The following PPEF2 variants were observed in gnomAD, a reference collection of about 807,000 sequenced individuals.
PPEF2 encodes serine/threonine-protein phosphatase with EF-hands 2.
PPEF2 carries 84 observed loss-of-function variants against 84.7 expected under a neutral mutation model. The ratio of observed to expected loss-of-function variants is 0.99; its 90% CI spans 0.83 to 1.19. PPEF2 has a LOEUF of 1.19. PPEF2 is among the 50% of genes most tolerant of loss of function. PPEF2 has a pLI of 0.00. For synonymous variants in PPEF2, 346 were observed against 345.2 expected (o/e 1.00, Z -0.03); for missense variants, 924 against 937.5 (o/e 0.99, Z 0.19).
intron 8 of PPEF2, among the ~76,000 whole-genome samples, chr4:75,884,352 C>T (rs1298325922): frequency 2.0e-5 from 3 of 150,790 alleles, no homozygotes; most frequent in Non-Finnish European, 4.4e-5. Context: ...CACTTAAACC[C>T]AGGAAGCAGA....
intron 2 of PPEF2, among the ~76,000 whole-genome samples, chr4:75,893,578 G>C (rs762976058): frequency 5.3e-5 from 8 of 152,100 alleles, no homozygotes; most frequent in Non-Finnish European, 1.2e-4. Flanking sequence ...GAGATTCCTG[G>C]TAAACATGCA....
At chr4:75,861,434 A>G (rs1037332745) in intron 16 of PPEF2, among the ~76,000 whole-genome samples, 10 of 114,596 alleles carry the variant, frequency 8.7e-5, no homozygotes, top group African/African-American at 2.6e-5. Flanking sequence ...GTTTTTTTCA[A>G]CAATGATGGG....
intron 16 of PPEF2, 123 bp downstream of exon 16, chr4:75,864,317 T>G: frequency 1.4e-6 from 1 of 736,690 alleles, no homozygotes; most frequent in Non-Finnish European, 2.3e-6. Flanking sequence ...AGCACTAATC[T>G]TCTTACCTTG....
intron 10 of PPEF2, among the ~76,000 whole-genome samples, chr4:75,879,898 C>T (rs1196105729): frequency 2.6e-5 from 4 of 151,452 alleles, no homozygotes; most frequent in African/African-American, 4.9e-5. Context: ...GGTGCGATCT[C>T]GGCTTGCTCA....
At position 75,883,146 on chromosome 4, in the gene PPEF2, T is replaced by C. The variant is rs1724622026; in HGVS notation, c.783+20A>G. On this transcript the variant is annotated intron_variant, in intron 9 of 16. Transcript: ENST00000286719. ...ACTTATCTGAACTGAGAGAAACTTT[T>C]GTCTTTAAAGGCAGCGCACCTTGTA... The C allele has an allele frequency of 6.2e-7, 1 of 1,613,892 alleles. No individual in the cohort carries two copies. Among genetic ancestry groups the C allele is most frequent in the South Asian group, 1.1e-5 (1 of 91,080 alleles).
intron 5 of PPEF2, among the ~76,000 whole-genome samples, chr4:75,888,657 G>A (rs1167369157): frequency 1.3e-5 from 2 of 152,180 alleles, no homozygotes; most frequent in Non-Finnish European, 2.9e-5. Context: ...TGTGTTGATG[G>A]TACTTAGTGA....
At chr4:75,901,603 G>T (rs1444599966) in intron 1 of PPEF2, among the ~76,000 whole-genome samples, 1 of 152,030 alleles carries the variant, frequency 6.6e-6, no homozygotes, top group African/African-American at 2.4e-5. Context: ...ACTTCATAAG[G>T]TCAGCCACAG....
rs547098966 is a variant in PPEF2, at chr4:75,876,785, C to T, written c.934-112G>A. Reference sequence around the variant, plus strand: ...CTTTGGGAGACTGAGCCCAGCAGAACACTCAAGCCCGGGAGTTCAAGACCA... The same window carrying T: ...CTTTGGGAGACTGAGCCCAGCAGAATACTCAAGCCCGGGAGTTCAAGACCA... On this transcript the variant is annotated intron_variant, in intron 10 of 16. Transcript: ENST00000286719. The T allele has an allele frequency of 1.2e-5, 14 of 1,209,794 alleles. No individual in the cohort carries two copies. The African/African-American group carries it at 1.5e-4, about 13-fold the overall frequency. The allele number at this position is 1,209,794 out of a possible 1,614,324, so 74.9% of individuals were successfully genotyped here. A position where few individuals can be genotyped will look rare whatever the true frequency, so the allele number is the denominator to read the frequency against.
intron 14 of PPEF2, among the ~76,000 whole-genome samples, chr4:75,866,793 C>T (rs909345262): frequency 2.1e-4 from 32 of 152,180 alleles, no homozygotes; most frequent in African/African-American, 7.5e-4. Context: ...AATATATCCA[C>T]TGAAACTCTT....
chr4:75,891,875 A>G lies in PPEF2; in HGVS notation c.159T>C (p.Tyr53=), dbSNP rs140781625. 7.4e-6 allele frequency: 12 copies of G among 1,613,646 alleles called. No homozygotes were observed. Among genetic ancestry groups the G allele is most frequent in the Non-Finnish European group, 1.0e-5 (12 of 1,179,680 alleles). Reference sequence around the variant, plus strand: ...CCTTGACTTGGTCTTGCTGCCCAGCATATTCTATAGACTGGAAGATGCTCC... The same window carrying G: ...CCTTGACTTGGTCTTGCTGCCCAGCGTATTCTATAGACTGGAAGATGCTCC... ...CTWSIFQSIE[Y]AGQQDQVKLH... Residue 53 remains tyrosine (Y), a synonymous_variant, in exon 3 of 17, where the codon TAT becomes TAC. Transcript: ENST00000286719.
At chr4:75,882,564 T>C (rs576956717) in intron 10 of PPEF2, among the ~76,000 whole-genome samples, 14 of 150,038 alleles carry the variant, frequency 9.3e-5, no homozygotes, top group African/African-American at 3.4e-4. Flanking sequence ...AGAAACAGGT[T>C]CTCACTGTGT....
chr4:75,894,118 T>C (rs1724954946), intron 2 of PPEF2, among the ~76,000 whole-genome samples: 1 of 152,178 alleles, frequency 6.6e-6, no homozygotes, highest in Non-Finnish European at 1.5e-5. Flanking sequence ...GAGAAAATTG[T>C]GAACCAAGGC....
intron 2 of PPEF2, among the ~76,000 whole-genome samples, chr4:75,895,271 T>C (rs1353116884): frequency 3.4e-5 from 5 of 147,304 alleles, no homozygotes; most frequent in African/African-American, 1.3e-4. Context: ...CTACTAAAAA[T>C]TCAAAAAATT....
intron 16 of PPEF2, among the ~76,000 whole-genome samples, chr4:75,863,013 A>C (rs1276200821): frequency 6.6e-6 from 1 of 152,224 alleles, no homozygotes; most frequent in Non-Finnish European, 1.5e-5. Context: ...ATGAATCTTG[A>C]ACACAGGCTA....
rs1724393534 is a variant in PPEF2 at position 75,875,839 on chromosome 4, A to G, written c.1320+448T>C. 2.0e-5 allele frequency among the ~76,000 whole-genome samples: 3 copies of G among 152,080 alleles called. No individual in the cohort carries two copies. In the South Asian group the frequency reaches 6.2e-4, roughly 32 times the overall value. The stretch of plus-strand genomic sequence containing the variant: ...GGGGTGGCAGGGTGCCTCGCTGCAT[A>G]CTACTTACTCTCCAAGTCTCCCCTG... On this transcript the variant is annotated intron_variant, in intron 11 of 16. Coordinates refer to ENST00000286719, the MANE Select transcript of PPEF2 (RefSeq NM_006239.3).
chr4:75,873,521 T>C (rs1724335959), intron 11 of PPEF2, among the ~76,000 whole-genome samples: 1 of 152,258 alleles, frequency 6.6e-6, no homozygotes, highest in Non-Finnish European at 1.5e-5. Flanking sequence ...TGTGCGTGCC[T>C]ACATATTTGT....
At chr4:75,876,717 T>C (rs757624019) in intron 10 of PPEF2, 44 bp from the exon 11 acceptor site, 2 of 1,506,334 alleles carry the variant, frequency 1.3e-6, no homozygotes, top group Non-Finnish European at 1.8e-6. Context: ...AATGAAACTG[T>C]AGGCCCAGAC....
intron 2 of PPEF2, among the ~76,000 whole-genome samples, chr4:75,892,944 C>A (rs1311455571): frequency 6.6e-6 from 1 of 152,152 alleles, no homozygotes; most frequent in African/African-American, 2.4e-5. Flanking sequence ...CAGGCTGACT[C>A]AGGTCAACCT....
At chr4:75,865,189 G>A (rs1332011236) in intron 15 of PPEF2, among the ~76,000 whole-genome samples, 2 of 151,984 alleles carry the variant, frequency 1.3e-5, no homozygotes, top group Non-Finnish European at 2.9e-5. Context: ...TGCCCGCCTC[G>A]GTCTCCCAAA....
Sources: gnomAD v4.1 joint callset for allele counts (sites outside exome capture counted in the v4.1 genomes callset) on GRCh38, gnomAD v4.1.1 for gene constraint, MANE v1.5 for transcripts, NCBI Gene and HGNC (gene_info 2026-07-23, HGNC 2026-07-21) for gene names.